MAD1L1: variants seen among roughly 807,000 people sequenced by gnomAD.
MAD1L1 encodes mitotic arrest deficient 1 like 1.
In MAD1L1, 95 loss-of-function variants were observed where a neutral mutation model predicts 96.9. The ratio of observed to expected loss-of-function variants is 0.98; its 90% CI spans 0.83 to 1.16. The LOEUF (loss-of-function observed/expected upper bound fraction) is 1.16. MAD1L1 is among the 50% of genes most tolerant of loss of function. The pLI is 0.00. For missense variants in MAD1L1, 1,007 were observed against 954.4 expected (o/e 1.06, Z -0.73); for synonymous variants, 473 against 396.6 (o/e 1.19, Z -2.29).
In MAD1L1 at chr7:2,069,262, TCTC is replaced by T; in HGVS notation, c.1147_1149del (p.Glu383del). The stretch of plus-strand genomic sequence containing the variant: ...GCCTCGTGGGTCTCGCGCTTCTTCC[TCTC>T]CTCCAACAGCTGGCCGCTGACCTGC... On this transcript the variant is annotated inframe_deletion, in exon 12 of 19. Coordinates refer to ENST00000265854, the MANE Select transcript of MAD1L1 (RefSeq NM_001013836.2). 1 of 1,611,924 alleles carries T rather than the reference TCTC, an allele frequency of 6.2e-7. No individual in the cohort carries two copies. The highest frequency in any genetic ancestry group is 2.2e-5 in the East Asian group (1 of 44,758).
chr7:1,972,448 T>C (rs1201285483), intron 15 of MAD1L1, among the ~76,000 whole-genome samples: 1 of 152,090 alleles, frequency 6.6e-6, no homozygotes, highest in Non-Finnish European at 1.5e-5. Context: ...TTCTGAGGAG[T>C]GAGTCCGCTG....
intron 10 of MAD1L1, among the ~76,000 whole-genome samples, chr7:2,155,784 C>T (rs1443874538): frequency 6.6e-6 from 1 of 152,178 alleles, no homozygotes; most frequent in Non-Finnish European, 1.5e-5. Context: ...AATGCCTGTT[C>T]CAAACGCTGC....
intron 10 of MAD1L1, among the ~76,000 whole-genome samples, chr7:2,211,361 C>T (rs1165604534): frequency 1.3e-5 from 2 of 152,196 alleles, no homozygotes; most frequent in Admixed American, 6.5e-5. Context: ...CGCTCAGATG[C>T]GGGAACAGGG....
chr7:1,827,029 C>A (rs1345437997), intron 18 of MAD1L1, among the ~76,000 whole-genome samples: 1 of 152,198 alleles, frequency 6.6e-6, no homozygotes, highest in Non-Finnish European at 1.5e-5. Flanking sequence ...TACAGCCACA[C>A]GCAGCTGCTC....
chr7:2,053,075 C>T (rs748243800), intron 12 of MAD1L1, among the ~76,000 whole-genome samples: 3 of 152,226 alleles, frequency 2.0e-5, no homozygotes, highest in Non-Finnish European at 4.4e-5. Context: ...CCAGCCACTG[C>T]CTACCCTCCT....
intron 10 of MAD1L1, among the ~76,000 whole-genome samples, chr7:2,190,509 T>A (rs1791667917): frequency 6.6e-6 from 1 of 151,876 alleles, no homozygotes; most frequent in Admixed American, 6.6e-5. Flanking sequence ...CAAAAGACAC[T>A]AAGAAAATGA....
At chr7:2,162,129 C>T (rs1224945568) in intron 10 of MAD1L1, among the ~76,000 whole-genome samples, 2 of 151,970 alleles carry the variant, frequency 1.3e-5, no homozygotes, top group South Asian at 2.1e-4. Flanking sequence ...ATGAGGATGG[C>T]GGTTTTGTCG....
chr7:2,039,533 G>T (rs910635546), intron 12 of MAD1L1, among the ~76,000 whole-genome samples: 1 of 152,182 alleles, frequency 6.6e-6, no homozygotes, highest in Non-Finnish European at 1.5e-5. Flanking sequence ...GATGGTGTCC[G>T]TTTCTGAACT....
At chr7:1,909,935 GC>G (rs1787910296) in intron 17 of MAD1L1, among the ~76,000 whole-genome samples, 5 of 152,182 alleles carry the variant, frequency 3.3e-5, no homozygotes, top group Non-Finnish European at 5.9e-5. Context: ...CCACCACCTG[GC>G]AGGCGCTGGC....
intron 17 of MAD1L1, among the ~76,000 whole-genome samples, chr7:1,899,267 GTTAA>G (rs1460096559): frequency 6.6e-6 from 1 of 152,224 alleles, no homozygotes; most frequent in African/African-American, 2.4e-5. Flanking sequence ...TTATCCCCGC[GTTAA>G]TTATCAGGAC....
chr7:1,825,489 A>G (rs1782342089), intron 18 of MAD1L1, among the ~76,000 whole-genome samples: 1 of 152,214 alleles, frequency 6.6e-6, no homozygotes, highest in South Asian at 2.1e-4. Context: ...GAGTCCGCTG[A>G]GGCTACCTGT....
At chr7:1,971,881 G>A (rs538031318) in intron 15 of MAD1L1, among the ~76,000 whole-genome samples, 1 of 152,314 alleles carries the variant, frequency 6.6e-6, no homozygotes, top group Non-Finnish European at 1.5e-5. Flanking sequence ...CGGAAGCAGG[G>A]AGGAGGGAGC....
intron 11 of MAD1L1, among the ~76,000 whole-genome samples, chr7:2,145,437 C>A (rs1162090961): frequency 1.3e-5 from 2 of 152,246 alleles, no homozygotes; most frequent in African/African-American, 4.8e-5. Context: ...GCCTCCAGTC[C>A]TAAGAGCGCA....
In MAD1L1 at chr7:1,968,879, G is replaced by A. The variant is rs536194757; in HGVS notation, c.1506-11160C>T. 1.3e-5 allele frequency among the ~76,000 whole-genome samples: 2 copies of A among 152,312 alleles called. No homozygotes were observed. Among genetic ancestry groups the A allele is most frequent in the South Asian group, 4.1e-4 (2 of 4,820 alleles). On this transcript the variant is annotated intron_variant, in intron 15 of 18. Transcript: ENST00000265854. The surrounding 1 kb of genome is among the most constrained non-coding windows in gnomAD (Gnocchi z 5.6). ...AGATGTGACGACTAAAATCAACACG[G>A]TGCCCTGGCTGCAACATGCAGGAAA...
In MAD1L1 at chr7:2,079,480, C is replaced by T. The variant is rs560875633; in HGVS notation, c.1074-10142G>A. Reference sequence around the variant, plus strand: ...GGCTCTGAAGCTGCAGCCTGGCCTCCCGGTCACTTCTCCCCGACTCTGCCT... The same window carrying T: ...GGCTCTGAAGCTGCAGCCTGGCCTCTCGGTCACTTCTCCCCGACTCTGCCT... On this transcript the variant is annotated intron_variant, in intron 11 of 18. Transcript: ENST00000265854. Among the ~76,000 whole-genome samples the T allele has an allele frequency of 9.8e-5, 15 of 152,350 alleles. No individual in the cohort carries two copies. The South Asian group carries it at 1.5e-3, about 15-fold the overall frequency.
At chr7:1,834,130 G>T (rs950579889) in intron 18 of MAD1L1, among the ~76,000 whole-genome samples, 51 of 152,126 alleles carry the variant, frequency 3.4e-4, no homozygotes, top group Non-Finnish European at 5.9e-4. Context: ...CATTTGAACT[G>T]AATGAAGATA....
chr7:1,871,009 C>T (rs1186535871), intron 18 of MAD1L1, among the ~76,000 whole-genome samples: 1 of 143,758 alleles, frequency 7.0e-6, no homozygotes, highest in Non-Finnish European at 1.5e-5. Context: ...CCAACCGTAA[C>T]ACCTGCCACG....
At chr7:2,167,826 G>A (rs149825246) in intron 10 of MAD1L1, among the ~76,000 whole-genome samples, 42 of 150,954 alleles carry the variant, frequency 2.8e-4, no homozygotes, top group African/African-American at 1.0e-3. Context: ...GTGTAAGCCA[G>A]GAGTTTGATA....
intron 18 of MAD1L1, among the ~76,000 whole-genome samples, chr7:1,878,152 A>G (rs779896723): frequency 1.3e-5 from 2 of 152,300 alleles, no homozygotes; most frequent in East Asian, 1.9e-4. Context: ...GAGTAGTTCT[A>G]TATCTATTAA....
Sources: allele counts gnomAD v4.1 joint callset (sites outside exome capture counted in the v4.1 genomes callset), GRCh38; gene constraint gnomAD v4.1.1; non-coding constraint Gnocchi (gnomAD v3.1); transcripts MANE v1.5; gene names NCBI Gene and HGNC (gene_info 2026-07-23, HGNC 2026-07-21).